The following FMN1 variants were observed in gnomAD, a reference collection of about 807,000 sequenced individuals.
FMN1 encodes formin 1.
Under a neutral mutation model 132.4 loss-of-function variants are expected in FMN1, and 110 were observed. That is an observed-to-expected ratio of 0.83 (90% confidence interval 0.71 to 0.97). The LOEUF is 0.97. Among genes scored for constraint, FMN1 ranks in the 50% least tolerant of loss-of-function variants. FMN1 has a pLI of 0.00. For missense variants in FMN1, 1,792 were observed against 1,705.3 expected (o/e 1.05, Z -0.90); for synonymous variants, 722 against 651.7 (o/e 1.11, Z -1.64).
At chr15:33,107,344 G>A (rs773611867) in intron 4 of FMN1, among the ~76,000 whole-genome samples, 1 of 151,938 alleles carries the variant, frequency 6.6e-6, no homozygotes, top group Admixed American at 6.6e-5. Context: ...TCTCCACAAA[G>A]CATGCCAACG....
At chr15:32,863,033 A>G (rs2059309166) in intron 16 of FMN1, among the ~76,000 whole-genome samples, 1 of 152,224 alleles carries the variant, frequency 6.6e-6, no homozygotes, top group Non-Finnish European at 1.5e-5. Context: ...TTTTTTACTA[A>G]AGCAAATTCT....
intron 17 of FMN1, among the ~76,000 whole-genome samples, chr15:32,853,058 T>A (rs1376825835): frequency 6.6e-6 from 1 of 152,180 alleles, no homozygotes; most frequent in Non-Finnish European, 1.5e-5. Context: ...CTCAATTTCC[T>A]CATCTGTATA....
chr15:33,082,856 C>T (rs1388296662), intron 5 of FMN1, among the ~76,000 whole-genome samples: 3 of 132,012 alleles, frequency 2.3e-5, no homozygotes, highest in Admixed American at 6.9e-5. Flanking sequence ...ATATAGGATA[C>T]CCAGTTAAAT....
chr15:33,147,725 A>G (rs1046620000), intron 4 of FMN1, among the ~76,000 whole-genome samples: 3 of 152,216 alleles, frequency 2.0e-5, no homozygotes, highest in Admixed American at 2.0e-4. Flanking sequence ...AAAAATACTC[A>G]TTTATTTTAT....
chr15:33,061,277 A>G (rs2037469548), intron 6 of FMN1, among the ~76,000 whole-genome samples: 1 of 152,242 alleles, frequency 6.6e-6, no homozygotes, highest in Non-Finnish European at 1.5e-5. Context: ...AATCACCTGC[A>G]ATAAAGCTAG....
chr15:32,808,606 G>A (rs948400620), intron 17 of FMN1, among the ~76,000 whole-genome samples: 3 of 152,200 alleles, frequency 2.0e-5, no homozygotes, highest in Non-Finnish European at 2.9e-5. Flanking sequence ...TAACTCCACT[G>A]AGCCTTATCC....
chr15:33,029,061 T>C (rs79347934), intron 6 of FMN1, among the ~76,000 whole-genome samples: 2,352 of 152,280 alleles, frequency 0.015, 51 homozygotes, highest in South Asian at 0.089. Context: ...TTGAAGCTGA[T>C]TTGAAGAAAT....
intron 5 of FMN1, among the ~76,000 whole-genome samples, chr15:33,077,360 T>C (rs1325027249): frequency 2.1e-5 from 2 of 95,870 alleles, no homozygotes; most frequent in Non-Finnish European, 2.3e-5. Flanking sequence ...TTTTAATATA[T>C]ATATATATAT....
intron 4 of FMN1, among the ~76,000 whole-genome samples, chr15:33,129,014 G>A (rs1290934791): frequency 6.6e-6 from 1 of 151,882 alleles, no homozygotes; most frequent in Non-Finnish European, 1.5e-5. Context: ...TTTACAGAAT[G>A]CTGATTGGTG....
chr15:32,930,039 G>C (rs1215881616), intron 9 of FMN1, among the ~76,000 whole-genome samples: 2 of 135,300 alleles, frequency 1.5e-5, no homozygotes, highest in Non-Finnish European at 3.0e-5. Flanking sequence ...ATCTAGGCTG[G>C]AGTGCAGAGG....
At chr15:33,087,008 G>C (rs947914729) in intron 5 of FMN1, among the ~76,000 whole-genome samples, 1 of 152,170 alleles carries the variant, frequency 6.6e-6, no homozygotes, top group South Asian at 2.1e-4. Context: ...TAATGAGCCG[G>C]AGAACACAAG....
intron 6 of FMN1, among the ~76,000 whole-genome samples, chr15:33,054,515 G>A (rs2037127577): frequency 6.6e-6 from 1 of 152,158 alleles, no homozygotes; most frequent in Non-Finnish European, 1.5e-5. Flanking sequence ...AGAAAAGAAA[G>A]GCATGATCTT....
chr15:32,874,423 G>C (rs2059592434), intron 16 of FMN1, among the ~76,000 whole-genome samples: 1 of 152,132 alleles, frequency 6.6e-6, no homozygotes, highest in Non-Finnish European at 1.5e-5. Flanking sequence ...AAAAAAATTA[G>C]ATGTTTGTAA....
intron 6 of FMN1, among the ~76,000 whole-genome samples, chr15:33,010,910 A>T (rs1014249971): frequency 2.0e-5 from 3 of 152,004 alleles, no homozygotes; most frequent in Non-Finnish European, 4.4e-5. Context: ...TAAAAAAAAA[A>T]AAATAAACGC....
intron 9 of FMN1, among the ~76,000 whole-genome samples, chr15:32,927,767 T>C (rs571015914): frequency 3.1e-4 from 47 of 152,318 alleles, no homozygotes; most frequent in African/African-American, 1.1e-3. Flanking sequence ...TCCTCTCATG[T>C]GGCAGGGCTA....
At chr15:33,132,551 C>G (rs906737297) in intron 4 of FMN1, among the ~76,000 whole-genome samples, 1 of 152,118 alleles carries the variant, frequency 6.6e-6, no homozygotes, top group Non-Finnish European at 1.5e-5. Context: ...AGTGCCAGGT[C>G]GTTTGCAGTA....
rs1181187496 is a variant in FMN1, at chr15:33,088,898, G to A, written c.1944C>T (p.Gly648=). ...TPKDLPNRDG[G]AWVLGYRAGP... ...CCGCTCTGTAGCCCAGAACCCACGC[G>A]CCTCCATCTCTGTTGGGAAGGTCTT... Residue 648 remains glycine (G), a synonymous_variant, in exon 5 of 21, where the codon GGC becomes GGT. Coordinates refer to ENST00000616417, the MANE Select transcript of FMN1 (RefSeq NM_001277313.2). The A allele has an allele frequency of 1.0e-5, 16 of 1,535,652 alleles. No homozygotes were observed. Among genetic ancestry groups the A allele is most frequent in the African/African-American group, 4.1e-5 (3 of 72,910 alleles).
At chr15:32,810,871 G>A (rs2057851504) in intron 17 of FMN1, 2 of 432,168 alleles carry the variant, frequency 4.6e-6, no homozygotes, top group Admixed American at 5.0e-5. Flanking sequence ...TGACATGGTT[G>A]GTATAAACCA....
At chr15:33,127,048 CAT>C (rs1470758371) in intron 4 of FMN1, among the ~76,000 whole-genome samples, 5 of 151,698 alleles carry the variant, frequency 3.3e-5, no homozygotes, top group Admixed American at 2.0e-4. Context: ...TGCAAAAAGA[CAT>C]ATTAAGCTTT....
Sources: allele counts gnomAD v4.1 joint callset (sites outside exome capture counted in the v4.1 genomes callset), GRCh38; gene constraint gnomAD v4.1.1; transcripts MANE v1.5; gene names NCBI Gene and HGNC (gene_info 2026-07-23, HGNC 2026-07-21).